Variants in ZNF804B observed in about 807,000 individuals in gnomAD.
The protein encoded by ZNF804B is zinc finger 804B.
ZNF804B carries 80 observed loss-of-function variants against 101.4 expected under a neutral mutation model. That is an observed-to-expected ratio of 0.79 (90% CI 0.66 to 0.95). ZNF804B has a LOEUF of 0.95. Ranked by LOEUF, ZNF804B falls within the 40% of genes least tolerant of loss-of-function variation. The probability of loss-of-function intolerance (pLI) is 0.00; values close to 1 mark genes in which losing one functional copy is unlikely to be tolerated. For missense variants in ZNF804B, 1,673 were observed against 1,561.9 expected (o/e 1.07, Z -1.20); for synonymous variants, 622 against 558.8 (o/e 1.11, Z -1.59).
At chr7:89,287,100 TAAC>T (rs1286687293) in intron 2 of ZNF804B, among the ~76,000 whole-genome samples, 2 of 152,186 alleles carry the variant, frequency 1.3e-5, no homozygotes, top group Non-Finnish European at 2.9e-5. Flanking sequence ...ATTTTCTTGA[TAAC>T]AGTTTATTTT....
At chr7:89,140,946 T>C (rs1790707738) in intron 1 of ZNF804B, among the ~76,000 whole-genome samples, 1 of 149,854 alleles carries the variant, frequency 6.7e-6, no homozygotes, top group Non-Finnish European at 1.5e-5. Flanking sequence ...TTCTAGCTTT[T>C]GATTAAAAAT....
At chr7:89,063,510 G>A (rs778389639) in intron 1 of ZNF804B, among the ~76,000 whole-genome samples, 1 of 152,098 alleles carries the variant, frequency 6.6e-6, no homozygotes, top group Non-Finnish European at 1.5e-5. Context: ...ACAGGAAGAA[G>A]TTTCATGCCA....
intron 1 of ZNF804B, among the ~76,000 whole-genome samples, chr7:89,067,547 A>T (rs1271463272): frequency 6.6e-6 from 1 of 152,150 alleles, no homozygotes; most frequent in Non-Finnish European, 1.5e-5. Flanking sequence ...GACACAGCAA[A>T]CACCCATGCC....
intron 1 of ZNF804B, among the ~76,000 whole-genome samples, chr7:88,908,380 C>T (rs1792502357): frequency 6.6e-6 from 1 of 151,394 alleles, no homozygotes; most frequent in Non-Finnish European, 1.5e-5. Flanking sequence ...AACACCTGTA[C>T]ATATAATTTG....
rs772456132 is a variant in ZNF804B, at chr7:89,335,913, G to A, written c.2931G>A (p.Leu977=). 4 of 1,614,028 alleles carry A rather than the reference G, an allele frequency of 2.5e-6. No individual in the cohort carries two copies. The South Asian group carries it at 4.4e-5, about 18-fold the overall frequency. ...LAPSGCNRQA[L]PLSEKIQYAS... Reference sequence around the variant, plus strand: ...CATCAGGCTGTAACAGACAAGCATTGCCTTTGTCTGAAAAAATACAGTATG... The same window carrying A: ...CATCAGGCTGTAACAGACAAGCATTACCTTTGTCTGAAAAAATACAGTATG... The change falls in exon 4 of 4, where the codon TTG becomes TTA. Residue 977 remains leucine (L), a synonymous_variant. Transcript: ENST00000333190.
chr7:89,056,377 G>A (rs1395738533), intron 1 of ZNF804B, among the ~76,000 whole-genome samples: 1 of 152,024 alleles, frequency 6.6e-6, no homozygotes, highest in Non-Finnish European at 1.5e-5. Flanking sequence ...AAGTAGAGAG[G>A]TGCTATGTAT....
intron 1 of ZNF804B, among the ~76,000 whole-genome samples, chr7:88,860,127 T>C (rs1463858723): frequency 6.6e-6 from 1 of 152,052 alleles, no homozygotes; most frequent in East Asian, 1.9e-4. Context: ...CTTTGTTATA[T>C]TTGGAAAATC....
At chr7:88,793,500 G>A (rs6974894) in intron 1 of ZNF804B, among the ~76,000 whole-genome samples, 24,574 of 151,828 alleles carry the variant, frequency 0.16, 2,042 homozygotes, top group African/African-American at 0.21. Context: ...ATTTCATTCC[G>A]AATAGCTATT....
chr7:89,291,051 T>TA (rs1381216572), intron 2 of ZNF804B, among the ~76,000 whole-genome samples: 1 of 152,168 alleles, frequency 6.6e-6, no homozygotes, highest in African/African-American at 2.4e-5. Flanking sequence ...CCTCTATAGG[T>TA]CTGCAAGAAC....
At chr7:88,849,153 A>G (rs1220607679) in intron 1 of ZNF804B, among the ~76,000 whole-genome samples, 3 of 152,086 alleles carry the variant, frequency 2.0e-5, no homozygotes, top group Non-Finnish European at 4.4e-5. Flanking sequence ...ATGTACACTT[A>G]GTCCTTTAGC....
At chr7:89,061,323 C>T (rs59671968) in intron 1 of ZNF804B, among the ~76,000 whole-genome samples, 4,901 of 151,922 alleles carry the variant, frequency 0.032, 267 homozygotes, top group African/African-American at 0.11. Flanking sequence ...TCTTTTGGGA[C>T]TTCAGCATTT....
chr7:89,066,505 T>G (rs1189673938), intron 1 of ZNF804B, among the ~76,000 whole-genome samples: 5 of 152,098 alleles, frequency 3.3e-5, no homozygotes, highest in Non-Finnish European at 7.4e-5. Flanking sequence ...AAAATGTAAG[T>G]GATGAATTTG....
At chr7:89,039,364 G>A (rs934698163) in intron 1 of ZNF804B, among the ~76,000 whole-genome samples, 1 of 151,640 alleles carries the variant, frequency 6.6e-6, no homozygotes, top group South Asian at 2.1e-4. Context: ...ATTATTTTGT[G>A]TTCTTTAAAT....
At chr7:88,822,930 G>A (rs113693083) in intron 1 of ZNF804B, among the ~76,000 whole-genome samples, 3,225 of 152,174 alleles carry the variant, frequency 0.021, 130 homozygotes, top group African/African-American at 0.073. Flanking sequence ...CAATAAATAG[G>A]CCGGACACAG....
chr7:88,900,225 A>T (rs563825912), intron 1 of ZNF804B, among the ~76,000 whole-genome samples: 3 of 152,178 alleles, frequency 2.0e-5, no homozygotes, highest in African/African-American at 7.2e-5. Context: ...CAAAGATGTT[A>T]GTTCAGTGCA....
At chr7:88,855,765 T>G (rs1314622704) in intron 1 of ZNF804B, among the ~76,000 whole-genome samples, 2 of 152,218 alleles carry the variant, frequency 1.3e-5, no homozygotes, top group African/African-American at 4.8e-5. Context: ...TTAATCCATC[T>G]TGAATTAATT....
At chr7:88,899,834 A>T (rs2115949814) in intron 1 of ZNF804B, among the ~76,000 whole-genome samples, 1 of 152,268 alleles carries the variant, frequency 6.6e-6, no homozygotes, top group African/African-American at 2.4e-5. Context: ...TAGTAATAAA[A>T]ATCTACTTTT....
intron 1 of ZNF804B, among the ~76,000 whole-genome samples, chr7:89,146,753 T>C (rs1423730707): frequency 6.6e-6 from 1 of 151,848 alleles, no homozygotes; most frequent in Non-Finnish European, 1.5e-5. Context: ...TGGCCAGGTG[T>C]GTTGGTTCAT....
intron 1 of ZNF804B, among the ~76,000 whole-genome samples, chr7:88,904,216 C>T (rs186627246): frequency 3.2e-4 from 49 of 152,266 alleles, no homozygotes; most frequent in African/African-American, 1.1e-3. Flanking sequence ...GGAGTCCTTT[C>T]CCCATTGCTA....
Sources: gnomAD v4.1 joint callset for allele counts (sites outside exome capture counted in the v4.1 genomes callset) on GRCh38, gnomAD v4.1.1 for gene constraint, MANE v1.5 for transcripts, NCBI Gene and HGNC (gene_info 2026-07-23, HGNC 2026-07-21) for gene names.